The following SCNN1B variants were observed in gnomAD, a reference collection of about 807,000 sequenced individuals.
SCNN1B encodes the protein epithelial sodium channel subunit beta.
Under a neutral mutation model 65.3 loss-of-function variants are expected in SCNN1B, and 46 were observed. The observed-to-expected ratio is 0.70, with a 90% CI of 0.56 to 0.90. The LOEUF (loss-of-function observed/expected upper bound fraction) is 0.90, where lower values mean the gene tolerates loss of function less well. Among genes scored for constraint, SCNN1B ranks in the 40% least tolerant of loss-of-function variants. The probability of loss-of-function intolerance (pLI) is 0.00; values close to 1 mark genes in which losing one functional copy is unlikely to be tolerated. For synonymous variants in SCNN1B, 349 were observed against 330.6 expected (o/e 1.06, Z -0.60); for missense variants, 751 against 830.5 (o/e 0.90, Z 1.18).
rs11399911 is a variant in SCNN1B, at chr16:23,365,620, A to AGAAAGAGAGAGAAAGAAAGAAAGAAAG, written c.777-2236_777-2235insGAAAGAGAGAGAAAGAAAGAAAGAAAG. 2.3e-3 allele frequency among the ~76,000 whole-genome samples: 184 copies of AGAAAGAGAGAGAAAGAAAGAAAGAAAG among 80,494 alleles called. 5 individuals are homozygous for AGAAAGAGAGAGAAAGAAAGAAAGAAAG. Among genetic ancestry groups the AGAAAGAGAGAGAAAGAAAGAAAGAAAG allele is most frequent in the East Asian group, 0.013 (33 of 2,578 alleles). 52.8% of individuals were successfully genotyped at this position (80,494 alleles called of 152,430 possible). On this transcript the variant is annotated intron_variant, in intron 4 of 12. Coordinates refer to ENST00000343070, the MANE Select transcript of SCNN1B (RefSeq NM_000336.3). ...AAGAAAGAAAGAAAGAAAGAAAGAA[A>AGAAAGAGAGAGAAAGAAAGAAAGAAAG]AAAGAAAGAAGTCACATCTTGGAAG...
At chr16:23,306,666 T>G (rs1961226155) in intron 1 of SCNN1B, among the ~76,000 whole-genome samples, 1 of 152,040 alleles carries the variant, frequency 6.6e-6, no homozygotes, top group Admixed American at 6.5e-5. Flanking sequence ...CTTTTTAAGG[T>G]GGGTTTTAAA....
intron 1 of SCNN1B, among the ~76,000 whole-genome samples, chr16:23,282,804 G>A (rs936613136): frequency 6.6e-6 from 1 of 152,200 alleles, no homozygotes; most frequent in Non-Finnish European, 1.5e-5. Context: ...CTCTTGATTT[G>A]TATGTAATTA....
At chr16:23,324,053 T>C (rs1278381160) in intron 1 of SCNN1B, among the ~76,000 whole-genome samples, 1 of 152,120 alleles carries the variant, frequency 6.6e-6, no homozygotes, top group Non-Finnish European at 1.5e-5. Context: ...AGGGAGGTAC[T>C]ATTGCTGGCC....
chr16:23,321,083 C>T (rs1015390064), intron 1 of SCNN1B, among the ~76,000 whole-genome samples: 3 of 152,130 alleles, frequency 2.0e-5, no homozygotes, highest in Admixed American at 1.3e-4. Flanking sequence ...CTCGCTCTGT[C>T]GCCCAGACTG....
intron 4 of SCNN1B, among the ~76,000 whole-genome samples, chr16:23,363,570 A>G (rs1962593115): frequency 6.6e-6 from 1 of 152,214 alleles, no homozygotes; most frequent in Admixed American, 6.5e-5. Flanking sequence ...CCCAGCATTT[A>G]GGGAGGCTGA....
intron 1 of SCNN1B, among the ~76,000 whole-genome samples, chr16:23,309,437 T>TAGAC (rs1032430725): frequency 2.8e-5 from 4 of 140,986 alleles, no homozygotes; most frequent in African/African-American, 1.0e-4. Context: ...GATAGATAGA[T>TAGAC]AGACAGATAG....
At chr16:23,321,243 T>C (rs1596833372) in intron 1 of SCNN1B, among the ~76,000 whole-genome samples, 1 of 152,092 alleles carries the variant, frequency 6.6e-6, no homozygotes, top group Admixed American at 6.6e-5. Flanking sequence ...GGTTTCACCA[T>C]GTTGGCCAGG....
chr16:23,333,445 T>C (rs563940612), intron 1 of SCNN1B, among the ~76,000 whole-genome samples: 2 of 152,336 alleles, frequency 1.3e-5, no homozygotes, highest in African/African-American at 2.4e-5. Context: ...TCTCTGTGAA[T>C]GACAGTTCCA....
At chr16:23,350,651 G>A (rs930298583) in intron 2 of SCNN1B, among the ~76,000 whole-genome samples, 2 of 152,126 alleles carry the variant, frequency 1.3e-5, no homozygotes, top group Non-Finnish European at 2.9e-5. Flanking sequence ...AGTGGCTCAC[G>A]CCTGTAATCT....
chr16:23,362,880 C>T (rs1018791401), intron 4 of SCNN1B, among the ~76,000 whole-genome samples: 1 of 152,186 alleles, frequency 6.6e-6, no homozygotes, highest in Admixed American at 6.5e-5. Flanking sequence ...TTCCTGTGGC[C>T]ACAGCCCTGA....
At chr16:23,314,276 C>T (rs746539626) in intron 1 of SCNN1B, among the ~76,000 whole-genome samples, 2 of 152,176 alleles carry the variant, frequency 1.3e-5, no homozygotes, top group Non-Finnish European at 2.9e-5. Context: ...AATCTTCTCA[C>T]CTTGGCCTCC....
chr16:23,356,623 CT>C (rs11321203), intron 4 of SCNN1B, among the ~76,000 whole-genome samples: 78,090 of 149,508 alleles, frequency 0.52, 24,060 homozygotes, highest in African/African-American at 0.86. Context: ...GACCCTGTCT[CT>C]TAAAAAAAAA....
At chr16:23,284,733 A>G (rs1417038640) in intron 2 of SCNN1B, among the ~76,000 whole-genome samples, 3 of 152,208 alleles carry the variant, frequency 2.0e-5, no homozygotes, top group Non-Finnish European at 2.9e-5. Context: ...AGCACACCCC[A>G]TGTCTAAATG....
intron 2 of SCNN1B, among the ~76,000 whole-genome samples, chr16:23,352,289 G>A (rs374023040): frequency 5.7e-4 from 87 of 152,340 alleles, no homozygotes; most frequent in African/African-American, 2.0e-3. Flanking sequence ...GGACGGAGAG[G>A]TGGGTGCTTA....
At chr16:23,320,549 T>C (rs1206338276) in intron 1 of SCNN1B, among the ~76,000 whole-genome samples, 1 of 152,202 alleles carries the variant, frequency 6.6e-6, no homozygotes. Context: ...TCAAGGGGTT[T>C]CCTCAAGTTC....
At chr16:23,306,116 G>T (rs1961213766) in intron 1 of SCNN1B, among the ~76,000 whole-genome samples, 1 of 152,104 alleles carries the variant, frequency 6.6e-6, no homozygotes, top group South Asian at 2.1e-4. Context: ...GGTGGTGGGT[G>T]CCTGTAGTCC....
chr16:23,324,510 T>A (rs922713298), intron 1 of SCNN1B, among the ~76,000 whole-genome samples: 3 of 152,138 alleles, frequency 2.0e-5, no homozygotes, highest in Admixed American at 2.0e-4. Context: ...GGCACATTTT[T>A]AATAATAATA....
intron 2 of SCNN1B, among the ~76,000 whole-genome samples, chr16:23,350,607 C>T (rs1962287739): frequency 6.6e-6 from 1 of 152,126 alleles, no homozygotes; most frequent in East Asian, 1.9e-4. Flanking sequence ...TCACAGAAAA[C>T]ATTTTTATCC....
chr16:23,355,258 G>A, intron 3 of SCNN1B, 41 bp from the exon 4 acceptor site: 1 of 1,603,512 alleles, frequency 6.2e-7, no homozygotes, highest in Non-Finnish European at 8.5e-7. Flanking sequence ...CCTGCTAGCA[G>A]CTCCCACGCC....
Sources: gnomAD v4.1 joint callset for allele counts (sites outside exome capture counted in the v4.1 genomes callset) on GRCh38, gnomAD v4.1.1 for gene constraint, MANE v1.5 for transcripts, NCBI Gene and HGNC (gene_info 2026-07-23, HGNC 2026-07-21) for gene names.